The following BRPF3 variants were observed in gnomAD, a reference collection of about 807,000 sequenced individuals.
BRPF3 encodes the protein bromodomain and PHD finger-containing protein 3.
BRPF3 carries 18 observed loss-of-function variants against 102.0 expected under a neutral mutation model. That is an observed-to-expected ratio of 0.18 (90% confidence interval 0.12 to 0.26). The LOEUF (loss-of-function observed/expected upper bound fraction) is 0.26, where lower values mean the gene tolerates loss of function less well. Ranked by LOEUF, BRPF3 falls within the 10% of genes least tolerant of loss-of-function variation. BRPF3 has a pLI of 1.00. For synonymous variants in BRPF3, 570 were observed against 614.2 expected (o/e 0.93, Z 1.06); for missense variants, 1,147 against 1,567.8 (o/e 0.73, Z 4.53).
rs543987259 is a variant in BRPF3 at position 36,201,592 on chromosome 6, G to A, written c.1270G>A (p.Glu424Lys). The A allele has an allele frequency of 1.2e-6, 2 of 1,614,088 alleles. No homozygotes were observed. The highest frequency in any genetic ancestry group is 1.7e-6 in the Non-Finnish European group (2 of 1,179,962). ...GGGTGATGGAGAGGAGGAAGAAGAG[G>A]AAGAGGTGGAGGAAGAAGAGCAGGA... ...KEGDGEEEEE[E>K]EVEEEEQEAQ... Residue 424 changes from glutamate to lysine, a missense_variant, in exon 2 of 13, where the codon GAA becomes AAA. Physicochemically the swap from Glu to Lys is moderately conservative, Grantham distance 56. Around this residue, in one of 11 missense-constraint regions of BRPF3, gnomAD observed 157 missense variants for 163.6 expected, o/e 0.96. Coordinates refer to ENST00000357641, the MANE Select transcript of BRPF3 (RefSeq NM_015695.3). The surrounding 1 kb of genome is among the most constrained non-coding windows in gnomAD (Gnocchi z 5.1).
chr6:36,210,662 C>A lies in BRPF3; in HGVS notation c.2179+134C>A. 1 of 752,798 alleles carries A rather than the reference C, an allele frequency of 1.3e-6. No individual in the cohort carries two copies. Among genetic ancestry groups the A allele is most frequent in the Non-Finnish European group, 2.1e-6 (1 of 472,452 alleles). The allele number at this position is 752,798 out of a possible 1,614,324, so 46.6% of individuals were successfully genotyped here. A position where few individuals can be genotyped will look rare whatever the true frequency, so the allele number is the denominator to read the frequency against. On this transcript the variant is annotated intron_variant, in intron 6 of 12. Coordinates refer to ENST00000357641, the MANE Select transcript of BRPF3 (RefSeq NM_015695.3). The surrounding 1 kb of genome is among the most constrained non-coding windows in gnomAD (Gnocchi z 4.7). ...GAGCAAAGCTGAGGGTGAGCACAGA[C>A]TGAGGTATACCTTTGTGGCTAGAAT... is the stretch of plus-strand genomic sequence containing the variant.
intron 7 of BRPF3, among the ~76,000 whole-genome samples, chr6:36,212,937 G>A (rs1768184203): frequency 6.6e-6 from 1 of 151,958 alleles, no homozygotes; most frequent in Non-Finnish European, 1.5e-5. Context: ...TCCGGCCTGG[G>A]CGACAGAGCG....
At position 36,207,314 on chromosome 6, in the gene BRPF3, G is replaced by A. The variant is rs766197532; in HGVS notation, c.1607G>A (p.Arg536Gln). Reference sequence around the variant, plus strand: ...TCCCTCTTCTCTTCCCTCCTGTAGCGAGAGCAGGATGAGAAGACAAGTGCA... The same window carrying A: ...TCCCTCTTCTCTTCCCTCCTGTAGCAAGAGCAGGATGAGAAGACAAGTGCA... ...HLQSQRNAEQ[R>Q]EQDEKTSAVK... Residue 536 changes from arginine (R) to glutamine (Q), a missense_variant and splice_region_variant, in exon 4 of 13, where the codon CGA (arginine) becomes CAA (glutamine). Around this residue, in one of 11 missense-constraint regions of BRPF3, gnomAD observed 37 missense variants for 33.3 expected, o/e 1.11. Coordinates refer to ENST00000357641, the MANE Select transcript of BRPF3 (RefSeq NM_015695.3). The A allele has an allele frequency of 1.3e-5, 21 of 1,613,422 alleles. No homozygotes were observed. In the South Asian group the frequency reaches 1.5e-4, roughly 12 times the overall value.
intron 7 of BRPF3, among the ~76,000 whole-genome samples, chr6:36,212,920 T>C (rs1768183213): frequency 6.6e-6 from 1 of 150,632 alleles, no homozygotes; most frequent in Admixed American, 6.6e-5. Flanking sequence ...GCCACTGTAG[T>C]CCGCAGTCCG....
intron 9 of BRPF3, among the ~76,000 whole-genome samples, chr6:36,220,439 T>G (rs1768494461): frequency 6.6e-6 from 1 of 152,198 alleles, no homozygotes; most frequent in South Asian, 2.1e-4. Flanking sequence ...AGAAGTTAAG[T>G]AACTTGCTGA....
chr6:36,230,041 A>G lies in BRPF3; in HGVS notation c.3435-385A>G, dbSNP rs1042701177. Among the ~76,000 whole-genome samples the G allele has an allele frequency of 2.0e-5, 3 of 152,190 alleles. No homozygotes were observed. The highest frequency in any genetic ancestry group is 4.4e-5 in the Non-Finnish European group (3 of 68,020). On this transcript the variant is annotated intron_variant, in intron 12 of 12. Coordinates refer to ENST00000357641, the MANE Select transcript of BRPF3 (RefSeq NM_015695.3). This position sits in a 1 kb window ranked among gnomAD's most constrained non-coding sequence, Gnocchi z 5.4. Reference sequence around the variant, plus strand: ...TTTATCAGTTCCTGGCATCAGCTCTACTTCCTAGCCATCGCCCCCTAATTC... The same window carrying G: ...TTTATCAGTTCCTGGCATCAGCTCTGCTTCCTAGCCATCGCCCCCTAATTC...
chr6:36,200,382 C>T lies in BRPF3; in HGVS notation c.60C>T (p.Pro20=), dbSNP rs1767651915. Residue 20 remains proline, a synonymous_variant, in exon 2 of 13, where the codon CCC becomes CCT. Transcript: ENST00000357641. The surrounding 1 kb of genome is among the most constrained non-coding windows in gnomAD (Gnocchi z 5.3). The part of the protein sequence containing the change: ...QNAEGRRSPS[P]YSLKCSPTRE... ...CCGAGGGCCGGCGTTCCCCGTCCCC[C>T]TACAGTCTCAAGTGCTCACCCACCC... 4.3e-6 allele frequency: 7 copies of T among 1,614,266 alleles called. No homozygotes were observed. In the East Asian group the frequency reaches 1.6e-4, roughly 36 times the overall value.
chr6:36,223,035 G>A (rs761861986), intron 10 of BRPF3, among the ~76,000 whole-genome samples: 117 of 152,244 alleles, frequency 7.7e-4, no homozygotes, highest in Admixed American at 2.1e-3. Context: ...TGTCTCCTTG[G>A]ATAAAAGGAA....
chr6:36,220,972 G>C (rs139852237), intron 9 of BRPF3, among the ~76,000 whole-genome samples: 1 of 152,128 alleles, frequency 6.6e-6, no homozygotes, highest in Non-Finnish European at 1.5e-5. Flanking sequence ...AAGCATTTCT[G>C]CTTTTCTGCA....
At chr6:36,224,993 T>C (rs948456718) in intron 10 of BRPF3, among the ~76,000 whole-genome samples, 5 of 152,228 alleles carry the variant, frequency 3.3e-5, no homozygotes, top group Admixed American at 2.0e-4. Flanking sequence ...TGTGGCTGCT[T>C]TCATGCTATA....
Position 36,230,957 on chromosome 6 carries a change from A to T in BRPF3, c.*348A>T, listed in dbSNP as rs182366102. 1 of 249,820 alleles carries T rather than the reference A, an allele frequency of 4.0e-6. No homozygotes were observed. Among genetic ancestry groups the T allele is most frequent in the East Asian group, 9.4e-5 (1 of 10,648 alleles). The allele number at this position is 249,820 out of a possible 1,614,324, so 15.5% of individuals were successfully genotyped here. On this transcript the variant is annotated 3_prime_UTR_variant, in exon 13 of 13. Coordinates refer to ENST00000357641, the MANE Select transcript of BRPF3 (RefSeq NM_015695.3). This position sits in a 1 kb window ranked among gnomAD's most constrained non-coding sequence, Gnocchi z 5.4. ...CTTGAGGGGCTGCCTGGCCCGCTCCATCCTACTCCCACTAACTACACCTCA... is the reference window on the plus strand; with the variant it reads ...CTTGAGGGGCTGCCTGGCCCGCTCCTTCCTACTCCCACTAACTACACCTCA...
At chr6:36,211,934 A>T (rs1290120344) in intron 7 of BRPF3, among the ~76,000 whole-genome samples, 1 of 152,192 alleles carries the variant, frequency 6.6e-6, no homozygotes, top group African/African-American at 2.4e-5. Flanking sequence ...TGTACATACC[A>T]GTTAAATATC....
chr6:36,196,853 CACGGAGGCA>C lies in BRPF3; in HGVS notation c.-143_-135del, dbSNP rs2127269772. The C allele has an allele frequency of 6.6e-6, 1 of 151,802 alleles. No individual in the cohort carries two copies. Among genetic ancestry groups the C allele is most frequent in the African/African-American group, 2.4e-5 (1 of 41,364 alleles). 9.4% of individuals were successfully genotyped at this position (151,802 alleles called of 1,614,324 possible). A position where few individuals can be genotyped will look rare whatever the true frequency, so the allele number is the denominator to read the frequency against. On this transcript the variant is annotated 5_prime_UTR_variant, in exon 1 of 13. Coordinates refer to ENST00000357641, the MANE Select transcript of BRPF3 (RefSeq NM_015695.3). The stretch of plus-strand genomic sequence containing the variant: ...GGCCGGGAGGGGGCACGGCGGAGGC[CACGGAGGCA>C]GGCGCGGGAGAAGACCGCGCTCCGC...
chr6:36,213,987 G>C lies in BRPF3; in HGVS notation c.2590G>C (p.Asp864His). ...PEPPTLKPIN[D>H]SKPPSRFLKP... ...GCCCCCTACTCTGAAACCCATTAATGATAGCAAACCTCCAAGCAGGTTCCT... is the reference window on the plus strand; with the variant it reads ...GCCCCCTACTCTGAAACCCATTAATCATAGCAAACCTCCAAGCAGGTTCCT... The change falls in exon 8 of 13, where the codon GAT (aspartate) becomes CAT (histidine). Residue 864 changes from aspartate to histidine, a missense_variant. Physicochemically the swap from Asp to His is moderately conservative, Grantham distance 81 (BLOSUM62 -1). Coordinates refer to ENST00000357641, the MANE Select transcript of BRPF3 (RefSeq NM_015695.3). 3.7e-6 allele frequency: 6 copies of C among 1,613,748 alleles called. No individual in the cohort carries two copies. In the East Asian group the frequency reaches 1.3e-4, roughly 36 times the overall value.
intron 11 of BRPF3, among the ~76,000 whole-genome samples, chr6:36,228,166 A>G (rs1437770402): frequency 1.3e-5 from 2 of 152,214 alleles, no homozygotes; most frequent in African/African-American, 4.8e-5. Flanking sequence ...CTGTTAGCAG[A>G]CTTCTCAGCA....
chr6:36,218,120 A>T, intron 9 of BRPF3, 110 bp downstream of exon 9: 6 of 859,406 alleles, frequency 7.0e-6, no homozygotes, highest in East Asian at 5.7e-5. Flanking sequence ...CTCTTCCCCC[A>T]CTCCTGCTAT....
At chr6:36,202,410 A>ACCCCCC (rs773009912) in intron 2 of BRPF3, among the ~76,000 whole-genome samples, 8 of 102,230 alleles carry the variant, frequency 7.8e-5, no homozygotes, top group African/African-American at 1.2e-4. Flanking sequence ...AGCTCTGTGG[A>ACCCCCC]CCCCCCCCCC....
chr6:36,219,762 G>A (rs1768469347), intron 9 of BRPF3, among the ~76,000 whole-genome samples: 1 of 152,178 alleles, frequency 6.6e-6, no homozygotes, highest in Non-Finnish European at 1.5e-5. Flanking sequence ...CCATACTGTG[G>A]TAATAAGTAT....
At chr6:36,222,366 C>A in intron 10 of BRPF3, 101 bp downstream of exon 10, 1 of 1,081,288 alleles carries the variant, frequency 9.2e-7, no homozygotes, top group South Asian at 1.4e-5. Flanking sequence ...GGCAGCCAGT[C>A]CTTGAGCTCC....
Sources: allele counts gnomAD v4.1 joint callset (sites outside exome capture counted in the v4.1 genomes callset), GRCh38; gene constraint gnomAD v4.1.1; regional missense constraint gnomAD v4.1.1; non-coding constraint Gnocchi (gnomAD v3.1); transcripts MANE v1.5; gene names NCBI Gene and HGNC (gene_info 2026-07-23, HGNC 2026-07-21).